The following CPA4 variants were observed in gnomAD, a reference collection of about 807,000 sequenced individuals.
The protein encoded by CPA4 is carboxypeptidase A3.
A neutral mutation model predicts 54.7 loss-of-function variants in CPA4; 49 were observed. That is an observed-to-expected ratio of 0.90 (90% CI 0.71 to 1.14). The LOEUF (loss-of-function observed/expected upper bound fraction) is 1.14. Ranked by LOEUF, CPA4 falls within the 50% of genes most tolerant of loss-of-function variation. The pLI is 0.00. For synonymous variants in CPA4, 215 were observed against 206.8 expected, an observed-to-expected ratio of 1.04 and a Z score of -0.34; for missense variants, 487 against 525.1, an observed-to-expected ratio of 0.93 and a Z score of 0.71.
chr7:130,320,967 G>T (rs952889891), intron 10 of CPA4, among the ~76,000 whole-genome samples: 1 of 152,192 alleles, frequency 6.6e-6, no homozygotes, highest in Non-Finnish European at 1.5e-5. Flanking sequence ...GGGAGGCTGA[G>T]GTGGGATGAT....
chr7:130,302,962 C>A (rs1005026140), intron 4 of CPA4, among the ~76,000 whole-genome samples: 2 of 152,168 alleles, frequency 1.3e-5, no homozygotes, highest in African/African-American at 4.8e-5. Flanking sequence ...TTGTTTCTGG[C>A]ACCTACAATT....
intron 1 of CPA4, among the ~76,000 whole-genome samples, chr7:130,297,740 G>A (rs1793672307): frequency 6.6e-6 from 1 of 152,204 alleles, no homozygotes; most frequent in Admixed American, 6.5e-5. Context: ...GCCCACAGCG[G>A]CTCTCTTTGC....
intron 9 of CPA4, 136 bp downstream of exon 9, chr7:130,311,122 C>A: frequency 2.9e-6 from 2 of 689,154 alleles, no homozygotes; most frequent in East Asian, 2.6e-5. Context: ...TCTTCTCTCC[C>A]TGCCCTTTGG....
chr7:130,295,628 G>A (rs1357486666), intron 1 of CPA4, among the ~76,000 whole-genome samples: 6 of 152,176 alleles, frequency 3.9e-5, no homozygotes, highest in Non-Finnish European at 7.3e-5. Context: ...GCTGCCCTTC[G>A]CATTGCACCC....
chr7:130,294,474 C>G (rs149378831), intron 1 of CPA4, among the ~76,000 whole-genome samples: 1 of 152,164 alleles, frequency 6.6e-6, no homozygotes, highest in Non-Finnish European at 1.5e-5. Flanking sequence ...TTCCCACAGG[C>G]GGCTCAGCAG....
intron 1 of CPA4, among the ~76,000 whole-genome samples, chr7:130,296,918 A>G (rs1280717115): frequency 1.3e-5 from 2 of 151,698 alleles, no homozygotes; most frequent in East Asian, 3.9e-4. Context: ...ATCCAGGAGT[A>G]AAGATTTCCT....
Position 130,310,679 on chromosome 7 carries a change from A to G in CPA4, c.794-108A>G. 1.2e-5 allele frequency: 12 copies of G among 994,544 alleles called. No individual in the cohort carries two copies. The highest frequency in any genetic ancestry group is 1.7e-5 in the Non-Finnish European group (11 of 648,460). 61.6% of individuals were successfully genotyped at this position (994,544 alleles called of 1,614,324 possible). On this transcript the variant is annotated intron_variant, in intron 8 of 10. Transcript: ENST00000222482. The surrounding 1 kb of genome is among the most constrained non-coding windows in gnomAD (Gnocchi z 4.3). ...ACTAGGTGCTCTGGGCCGTCTCGCC[A>G]TGGCCTGCCCATTCCCAATACCTTC...
chr7:130,301,969 G>A (rs1389565657), intron 4 of CPA4, among the ~76,000 whole-genome samples: 2 of 152,178 alleles, frequency 1.3e-5, no homozygotes, highest in East Asian at 3.9e-4. Context: ...GAGCTAACCA[G>A]TTGCAAATGT....
chr7:130,298,263 G>A (rs1171480912), intron 1 of CPA4, among the ~76,000 whole-genome samples: 2 of 152,238 alleles, frequency 1.3e-5, no homozygotes, highest in African/African-American at 4.8e-5. Context: ...TGACAGTGAA[G>A]AAGTGCTTCT....
chr7:130,298,758 G>T lies in CPA4; in HGVS notation c.81G>T (p.Leu27Phe), dbSNP rs34587586. The T allele has an allele frequency of 0.39, 616,972 of 1,601,038 alleles. 120,348 individuals carry two copies. Among genetic ancestry groups the T allele is most frequent in the Non-Finnish European group, 0.4 (463,632 of 1,168,720 alleles). The change falls in exon 2 of 11, where the codon TTG (leucine) becomes TTT (phenylalanine). Residue 27 changes from leucine (L) to phenylalanine (F), a missense_variant. Physicochemically the swap from Leu to Phe is conservative, Grantham distance 22. Transcript: ENST00000222482. ...GCTTCTTCCCCAGGGACCAAGTTTT[G>T]AGGATTAATGTCAGAAATGGAGACG... ...GQEKFFGDQVLRINVRNGDEI... is the reference protein window; with the variant it reads ...GQEKFFGDQVFRINVRNGDEI...
At chr7:130,308,492 C>T in intron 8 of CPA4, 95 bp downstream of exon 8, 1 of 969,624 alleles carries the variant, frequency 1.0e-6, no homozygotes, top group South Asian at 1.3e-5. Flanking sequence ...CGCGTTTCCA[C>T]TTTGGTTCCG....
rs754551102 is a variant in CPA4, at chr7:130,304,537, G to T, written c.444G>T (p.Lys148Asn). 17 of 1,613,876 alleles carry T rather than the reference G, an allele frequency of 1.1e-5. No individual in the cohort carries two copies. Among genetic ancestry groups the T allele is most frequent in the Middle Eastern group, 1.6e-4 (1 of 6,062 alleles). ...ADFPDLARRVKIGHSFENRPM... is the reference protein window; with the variant it reads ...ADFPDLARRVNIGHSFENRPM... Reference sequence around the variant, plus strand: ...TTCCTGACCTGGCGAGGAGGGTGAAGATTGGACATTCGTTTGAAAACCGGC... The same window carrying T: ...TTCCTGACCTGGCGAGGAGGGTGAATATTGGACATTCGTTTGAAAACCGGC... The change falls in exon 5 of 11, where the codon AAG becomes AAT. Residue 148 changes from lysine (K) to asparagine (N), a missense_variant. Coordinates refer to ENST00000222482, the MANE Select transcript of CPA4 (RefSeq NM_016352.4).
intron 10 of CPA4, among the ~76,000 whole-genome samples, chr7:130,316,557 T>G (rs927819912): frequency 1.3e-5 from 2 of 152,094 alleles, no homozygotes; most frequent in Non-Finnish European, 2.9e-5. Context: ...AATTTGGGGC[T>G]CCCTTTATGT....
At position 130,311,999 on chromosome 7, in the gene CPA4, G is replaced by T. The variant is rs764690016; in HGVS notation, c.994-39G>T. On this transcript the variant is annotated intron_variant, in intron 9 of 10. Transcript: ENST00000222482. ...GCAGCTGAGGAAGGTCAAGCTTCAG[G>T]ATCGATTTTTTCTCACTCCACGGAT... 9 of 1,479,706 alleles carry T rather than the reference G, an allele frequency of 6.1e-6. No individual in the cohort carries two copies. The South Asian group carries it at 1.0e-4, about 17-fold the overall frequency. 91.7% of individuals were successfully genotyped at this position (1,479,706 alleles called of 1,614,324 possible).
At position 130,305,812 on chromosome 7, in the gene CPA4, G is replaced by T. The variant is rs373418440; in HGVS notation, c.487-4G>T. Reference sequence around the variant, plus strand: ...CATTTTCGAGCCTTTTCTCCCTTCTGCAGTTCAGCACTGGGAAAGGCGTGA... The same window carrying T: ...CATTTTCGAGCCTTTTCTCCCTTCTTCAGTTCAGCACTGGGAAAGGCGTGA... On this transcript the variant is annotated splice_polypyrimidine_tract_variant and splice_region_variant and intron_variant, in intron 5 of 10. Coordinates refer to ENST00000222482, the MANE Select transcript of CPA4 (RefSeq NM_016352.4). 3 of 1,613,138 alleles carry T rather than the reference G, an allele frequency of 1.9e-6. No homozygotes were observed. The highest frequency in any genetic ancestry group is 1.3e-5 in the African/African-American group (1 of 74,926).
chr7:130,304,223 A>G (rs1464917598), intron 4 of CPA4, among the ~76,000 whole-genome samples: 3 of 152,172 alleles, frequency 2.0e-5, no homozygotes, highest in African/African-American at 4.8e-5. Context: ...TTAGAGCAAT[A>G]TTGCAAAAGC....
intron 4 of CPA4, among the ~76,000 whole-genome samples, 185 bp from the exon 5 acceptor site, chr7:130,304,293 G>A (rs1793783817): frequency 6.6e-6 from 1 of 152,194 alleles, no homozygotes; most frequent in Non-Finnish European, 1.5e-5. Context: ...CTACTCTCCA[G>A]AAAATTGTAG....
intron 7 of CPA4, chr7:130,308,094 A>T (rs13438101): frequency 5.1e-6 from 3 of 586,782 alleles, no homozygotes; most frequent in Non-Finnish European, 9.2e-6. Flanking sequence ...TCATCAGTAC[A>T]TTTGGAAGAA....
At chr7:130,301,615 C>T (rs956024618) in intron 4 of CPA4, among the ~76,000 whole-genome samples, 28 of 152,114 alleles carry the variant, frequency 1.8e-4, no homozygotes, top group Admixed American at 1.8e-3. Context: ...AATTAGTATT[C>T]CCCCTGGTGT....
Sources: gnomAD v4.1 joint callset for allele counts (sites outside exome capture counted in the v4.1 genomes callset) on GRCh38, gnomAD v4.1.1 for gene constraint, Gnocchi (gnomAD v3.1) non-coding constraint, MANE v1.5 for transcripts, NCBI Gene and HGNC (gene_info 2026-07-23, HGNC 2026-07-21) for gene names.